The following ARSB variants were observed in gnomAD, a reference collection of about 807,000 sequenced individuals.
The protein encoded by ARSB is arylsulfatase B.
Under a neutral mutation model 50.9 loss-of-function variants are expected in ARSB, and 41 were observed. That is an observed-to-expected ratio of 0.81 (90% CI 0.63 to 1.04). The LOEUF (loss-of-function observed/expected upper bound fraction) is 1.04, where lower values mean the gene tolerates loss of function less well. ARSB is among the 50% of genes least tolerant of loss of function. The pLI is 0.00. For synonymous variants in ARSB, 269 were observed against 284.8 expected (o/e 0.94, Z 0.56); for missense variants, 672 against 693.3 (o/e 0.97, Z 0.35).
chr5:78,850,667 T>C (rs531125352), intron 5 of ARSB, among the ~76,000 whole-genome samples: 34 of 152,268 alleles, frequency 2.2e-4, no homozygotes, highest in Admixed American at 2.0e-3. Context: ...TGGTAGAATT[T>C]GGTTGTGAAT....
chr5:78,885,784 A>G lies in ARSB; in HGVS notation c.942T>C (p.Leu314=), dbSNP rs1748000092. The G allele has an allele frequency of 3.1e-6, 5 of 1,614,134 alleles. No individual in the cohort carries two copies. The highest frequency in any genetic ancestry group is 1.3e-5 in the African/African-American group (1 of 75,020). Residue 314 remains leucine (L), a synonymous_variant, in exon 5 of 8, where the codon CTT becomes CTC. Coordinates refer to ENST00000264914, the MANE Select transcript of ARSB (RefSeq NM_000046.5). ...QTLAGGNNWP[L]RGRKWSLWEG... ...CCCACAGGCTCCATTTTCTTCCTCG[A>G]AGGGGCCAGTTATTACCCCCTGCCA... is the stretch of plus-strand genomic sequence containing the variant.
intron 4 of ARSB, among the ~76,000 whole-genome samples, chr5:78,942,111 G>C (rs1053353148): frequency 5.3e-5 from 8 of 152,184 alleles, no homozygotes; most frequent in Non-Finnish European, 1.2e-4. Flanking sequence ...TTGTATTTCT[G>C]TGGGATCAGT....
chr5:78,788,241 C>T (rs775343415), intron 6 of ARSB, among the ~76,000 whole-genome samples: 8 of 152,106 alleles, frequency 5.3e-5, no homozygotes, highest in Admixed American at 6.5e-5. Context: ...ATGGATTAGC[C>T]GTGTGTATTG....
intron 5 of ARSB, among the ~76,000 whole-genome samples, chr5:78,852,549 C>T (rs1373486486): frequency 6.6e-6 from 1 of 152,118 alleles, no homozygotes; most frequent in East Asian, 1.9e-4. Context: ...AGTTGCTCTT[C>T]TCGAGGAGTA....
At chr5:78,859,172 C>G (rs182563783) in intron 5 of ARSB, among the ~76,000 whole-genome samples, 5 of 152,016 alleles carry the variant, frequency 3.3e-5, no homozygotes, top group African/African-American at 1.2e-4. Context: ...TTTCAACATG[C>G]AAATATTACC....
intron 4 of ARSB, among the ~76,000 whole-genome samples, chr5:78,938,836 G>C (rs1750754039): frequency 6.6e-6 from 1 of 152,166 alleles, no homozygotes; most frequent in Non-Finnish European, 1.5e-5. Context: ...TAAAAGTTTA[G>C]ACTCTGCAAT....
chr5:78,879,475 T>A (rs1051008478), intron 5 of ARSB, among the ~76,000 whole-genome samples: 1 of 152,210 alleles, frequency 6.6e-6, no homozygotes, highest in Non-Finnish European at 1.5e-5. Context: ...TTTGAAGCAG[T>A]CCTAAGAGAA....
intron 5 of ARSB, among the ~76,000 whole-genome samples, chr5:78,867,841 G>C (rs535149944): frequency 1.3e-5 from 2 of 148,934 alleles, no homozygotes; most frequent in Non-Finnish European, 3.0e-5. Flanking sequence ...AGAGAAGAAG[G>C]CTTCAGACGA....
chr5:78,797,338 A>C (rs1743223764), intron 6 of ARSB, among the ~76,000 whole-genome samples: 3 of 152,096 alleles, frequency 2.0e-5, no homozygotes. Flanking sequence ...TCGTTCCTCT[A>C]GTTTCCATGC....
At chr5:78,818,066 T>C (rs2112668980) in intron 6 of ARSB, among the ~76,000 whole-genome samples, 2 of 152,292 alleles carry the variant, frequency 1.3e-5, no homozygotes, top group East Asian at 1.9e-4. Context: ...GAGAATGACT[T>C]GAACCCAGGA....
rs369003779 is a variant in ARSB, at chr5:78,949,001, A to G, written c.898+6294T>C. 5.9e-5 allele frequency among the ~76,000 whole-genome samples: 9 copies of G among 152,272 alleles called. No homozygotes were observed. In the East Asian group the frequency reaches 1.7e-3, roughly 29 times the overall value. On this transcript the variant is annotated intron_variant, in intron 4 of 7. Transcript: ENST00000264914. ...TTGTGGTGAAATTCACATTACATGA[A>G]ATTAGCCATTTTAAAGTATCCAATT... is the stretch of plus-strand genomic sequence containing the variant.
Position 78,809,193 on chromosome 5 carries a change from C to T in ARSB, c.1214-27219G>A, listed in dbSNP as rs73767435. 5.8e-3 allele frequency among the ~76,000 whole-genome samples: 880 copies of T among 152,220 alleles called. 4 individuals are homozygous for T. Among genetic ancestry groups the T allele is most frequent in the African/African-American group, 0.017 (687 of 41,536 alleles). ...CTACAGGTGCATAGAACACGCTGAG[C>T]GGGCACCGAGGGGGTTGCAATCAGT... On this transcript the variant is annotated intron_variant, in intron 6 of 7. Transcript: ENST00000264914.
rs1395385245 is a variant in ARSB at position 78,872,420 on chromosome 5, T to C, written c.1142+13164A>G. ...AGCAAAGACTTGGAACCAACCCAAA[T>C]GTCCAACAATGATAGACTGGATTAA... On this transcript the variant is annotated intron_variant, in intron 5 of 7. Transcript: ENST00000264914. Among the ~76,000 whole-genome samples, 45 of 136,322 alleles carry C rather than the reference T, an allele frequency of 3.3e-4. 1 individual carries two copies. Among genetic ancestry groups the C allele is most frequent in the African/African-American group, 1.1e-3 (40 of 37,768 alleles). 89.4% of individuals were successfully genotyped at this position (136,322 alleles called of 152,430 possible).
intron 4 of ARSB, among the ~76,000 whole-genome samples, chr5:78,914,473 C>T (rs142479709): frequency 3.3e-5 from 5 of 152,222 alleles, no homozygotes; most frequent in Admixed American, 3.3e-4. Context: ...CTAGGAAGTA[C>T]TACCTTGTTT....
At chr5:78,808,488 T>C (rs1743665888) in intron 6 of ARSB, among the ~76,000 whole-genome samples, 1 of 152,190 alleles carries the variant, frequency 6.6e-6, no homozygotes, top group Non-Finnish European at 1.5e-5. Flanking sequence ...TTAAGCCACT[T>C]TTCTGATGAC....
intron 4 of ARSB, among the ~76,000 whole-genome samples, chr5:78,889,687 G>T (rs1446508429): frequency 6.6e-6 from 1 of 152,126 alleles, no homozygotes; most frequent in East Asian, 1.9e-4. Context: ...GTTTGCCAAA[G>T]ATCTAAGCAA....
intron 1 of ARSB, among the ~76,000 whole-genome samples, chr5:78,980,348 T>C (rs1752847556): frequency 6.6e-6 from 1 of 152,218 alleles, no homozygotes; most frequent in South Asian, 2.1e-4. Flanking sequence ...AAAATTCCAT[T>C]TCTAGGAACT....
Position 78,820,887 on chromosome 5 carries a change from C to T in ARSB, c.1213+18469G>A, listed in dbSNP as rs111400679. On this transcript the variant is annotated intron_variant, in intron 6 of 7. Coordinates refer to ENST00000264914, the MANE Select transcript of ARSB (RefSeq NM_000046.5). ...GTTGAAAACCACTGATTTATACTTACGGATCTGGAAAGATCTCCAAGACAG... is the reference window on the plus strand; with the variant it reads ...GTTGAAAACCACTGATTTATACTTATGGATCTGGAAAGATCTCCAAGACAG... Among the ~76,000 whole-genome samples, 16 of 151,456 alleles carry T rather than the reference C, an allele frequency of 1.1e-4. No homozygotes were observed. In the South Asian group the frequency reaches 2.5e-3, roughly 24 times the overall value.
intron 1 of ARSB, among the ~76,000 whole-genome samples, chr5:78,983,659 C>T (rs1326235432): frequency 6.6e-6 from 1 of 152,148 alleles, no homozygotes; most frequent in Non-Finnish European, 1.5e-5. Flanking sequence ...AGGGAAGCAT[C>T]CTTTACTCCC....
Sources: gnomAD v4.1 joint callset for allele counts (sites outside exome capture counted in the v4.1 genomes callset) on GRCh38, gnomAD v4.1.1 for gene constraint, MANE v1.5 for transcripts, NCBI Gene and HGNC (gene_info 2026-07-23, HGNC 2026-07-21) for gene names.